PILRA: variants seen among roughly 807,000 people sequenced by gnomAD.
PILRA encodes paired immunoglobulin-like type 2 receptor alpha.
In PILRA, 37 loss-of-function variants were observed where a neutral mutation model predicts 33.1. The observed-to-expected ratio is 1.12, with a 90% confidence interval of 0.86 to 1.47. The LOEUF (loss-of-function observed/expected upper bound fraction) is 1.47, where lower values mean the gene tolerates loss of function less well. Among genes scored for constraint, PILRA ranks in the 40% most tolerant of loss-of-function variants. PILRA has a pLI of 0.00. For synonymous variants in PILRA, 146 were observed against 149.9 expected (o/e 0.97, Z 0.19); for missense variants, 312 against 376.2 (o/e 0.83, Z 1.41).
At chr7:100,384,311 G>A (rs1791205656) in intron 2 of PILRA, among the ~76,000 whole-genome samples, 1 of 151,318 alleles carries the variant, frequency 6.6e-6, no homozygotes, top group South Asian at 2.1e-4. Flanking sequence ...AAATGGAGGT[G>A]TGAACAGGTA....
chr7:100,390,138 C>A, intron 3 of PILRA, 32 bp downstream of exon 3: 1 of 1,574,136 alleles, frequency 6.4e-7, no homozygotes, highest in Non-Finnish European at 8.7e-7. Flanking sequence ...TCTCCCCAAG[C>A]CTCCCATCTG....
In PILRA at chr7:100,399,877, C is replaced by T. The variant is rs374643830; in HGVS notation, c.882C>T (p.Asn294=). 160 of 1,612,924 alleles carry T rather than the reference C, an allele frequency of 9.9e-5. No individual in the cohort carries two copies. The highest frequency in any genetic ancestry group is 2.5e-4 in the South Asian group (23 of 90,920). The stretch of plus-strand genomic sequence containing the variant: ...ACCGTCCCCTCAAGAGCCCCCAGAA[C>T]GAGACCCTGTACTCTGTCTTAAAGG... ...PSHRPLKSPQ[N]ETLYSVLKA is the part of the protein sequence containing the mutation. The change falls in exon 7 of 7, where the codon AAC becomes AAT. Residue 294 remains asparagine, a synonymous_variant. Transcript: ENST00000198536.
At chr7:100,376,564 C>G (rs1169948422) in intron 2 of PILRA, among the ~76,000 whole-genome samples, 1 of 145,618 alleles carries the variant, frequency 6.9e-6, no homozygotes, top group Non-Finnish European at 1.5e-5. Context: ...CTCACTCCAG[C>G]CTCCACCTCC....
chr7:100,381,308 T>C (rs899302107), intron 2 of PILRA, among the ~76,000 whole-genome samples: 8 of 151,588 alleles, frequency 5.3e-5, no homozygotes, highest in African/African-American at 1.9e-4. Flanking sequence ...TAGCTGGGTA[T>C]AGTGGCACAT....
chr7:100,386,466 T>C (rs2906657), intron 2 of PILRA, among the ~76,000 whole-genome samples: 36,219 of 151,740 alleles, frequency 0.24, 5,139 homozygotes, highest in East Asian at 0.34. Flanking sequence ...ATTGTACCAC[T>C]GCACTTTGTT....
chr7:100,372,504 C>T (rs753995451), upstream of PILRA, among the ~76,000 whole-genome samples: 9 of 152,158 alleles, frequency 5.9e-5, no homozygotes, highest in African/African-American at 1.4e-4. Flanking sequence ...GAGCCTCCTA[C>T]GGAGGGAGCC....
intron 3 of PILRA, among the ~76,000 whole-genome samples, 187 bp downstream of exon 3, chr7:100,390,293 G>A (rs1791361895): frequency 1.3e-5 from 2 of 152,144 alleles, no homozygotes; most frequent in Non-Finnish European, 2.9e-5. Context: ...GCGGGGCAGG[G>A]TCACATGTGA....
intron 2 of PILRA, among the ~76,000 whole-genome samples, chr7:100,384,278 G>A (rs186443686): frequency 4.3e-4 from 65 of 151,910 alleles, no homozygotes; most frequent in Middle Eastern, 6.8e-3. Flanking sequence ...GACATCTTAC[G>A]TTTGAGTCGT....
At chr7:100,394,535 A>G (rs1028328052) in intron 3 of PILRA, among the ~76,000 whole-genome samples, 6 of 143,326 alleles carry the variant, frequency 4.2e-5, no homozygotes, top group African/African-American at 1.6e-4. Flanking sequence ...CGGAGGTTGC[A>G]GTGAGCCGAG....
chr7:100,377,405 TA>T (rs1326959510), intron 2 of PILRA, among the ~76,000 whole-genome samples: 2 of 151,870 alleles, frequency 1.3e-5, no homozygotes, highest in Non-Finnish European at 2.9e-5. Flanking sequence ...CGTGCCCGAC[TA>T]ATTTTTTTGT....
chr7:100,389,078 C>A (rs925311256), intron 2 of PILRA, among the ~76,000 whole-genome samples: 1 of 152,026 alleles, frequency 6.6e-6, no homozygotes, highest in Non-Finnish European at 1.5e-5. Context: ...CTCCAGTATC[C>A]TTTTCCTCTT....
chr7:100,378,874 C>G (rs1403319170), intron 2 of PILRA, among the ~76,000 whole-genome samples: 1 of 151,754 alleles, frequency 6.6e-6, no homozygotes, highest in African/African-American at 2.4e-5. Context: ...GGGTGGATCA[C>G]GAGGTCAGGA....
At chr7:100,372,312 C>T (rs1225768055), upstream of PILRA, among the ~76,000 whole-genome samples, 3 of 152,086 alleles carry the variant, frequency 2.0e-5, no homozygotes, top group African/African-American at 4.8e-5. Context: ...GAGGGCGGGC[C>T]GGCCTGGCTG....
chr7:100,373,266 A>AAGGATGAG (rs1790859626), upstream of PILRA, among the ~76,000 whole-genome samples: 1 of 152,066 alleles, frequency 6.6e-6, no homozygotes, highest in Non-Finnish European at 1.5e-5. Context: ...GGGCAGAGAG[A>AAGGATGAG]AGGATGAGAA....
chr7:100,374,467 A>G, intron 2 of PILRA, 34 bp downstream of exon 2: 4 of 1,612,564 alleles, frequency 2.5e-6, no homozygotes, highest in Non-Finnish European at 3.4e-6. Flanking sequence ...CGCTTTGCCC[A>G]CCGCAGTGAG....
chr7:100,377,466 C>T (rs1790981535), intron 2 of PILRA, among the ~76,000 whole-genome samples: 1 of 152,060 alleles, frequency 6.6e-6, no homozygotes, highest in African/African-American at 2.4e-5. Flanking sequence ...TGGTCTCGAT[C>T]TCCTGACGTC....
intron 3 of PILRA, among the ~76,000 whole-genome samples, chr7:100,391,445 G>C (rs1338505351): frequency 2.6e-5 from 4 of 152,094 alleles, no homozygotes; most frequent in African/African-American, 7.2e-5. Context: ...TCAACACTTT[G>C]GGAGGCCAAG....
Position 100,374,403 on chromosome 7 carries a change from A to T in PILRA, c.424A>T (p.Ile142Phe), listed in dbSNP as rs1176788065. Reference protein sequence around the residue: ...RSSGRQQWQSIEGTKLSITQA... With the variant: ...RSSGRQQWQSFEGTKLSITQA... ...CTCAGGGAGGCAGCAGTGGCAGTCC[A>T]TCGAGGGGACCAAACTCTCCATCAC... Residue 142 changes from isoleucine (I) to phenylalanine (F), a missense_variant, in exon 2 of 7, where the codon ATC (isoleucine) becomes TTC (phenylalanine). Coordinates refer to ENST00000198536, the MANE Select transcript of PILRA (RefSeq NM_013439.3). 1.9e-5 allele frequency: 31 copies of T among 1,613,942 alleles called. No individual in the cohort carries two copies. The highest frequency in any genetic ancestry group is 2.5e-5 in the Non-Finnish European group (30 of 1,180,002).
intron 5 of PILRA, 73 bp from the exon 6 acceptor site, chr7:100,399,508 G>A: frequency 1.9e-6 from 3 of 1,559,806 alleles, no homozygotes; most frequent in African/African-American, 1.4e-5. Flanking sequence ...CTCACTCCTA[G>A]AGCCCCCTGC....
Sources: gnomAD v4.1 joint callset for allele counts (sites outside exome capture counted in the v4.1 genomes callset) on GRCh38, gnomAD v4.1.1 for gene constraint, MANE v1.5 for transcripts, NCBI Gene and HGNC (gene_info 2026-07-23, HGNC 2026-07-21) for gene names.